The following CCDC85A variants were observed in gnomAD, a reference collection of about 807,000 sequenced individuals.
CCDC85A encodes coiled-coil domain-containing protein 85A.
CCDC85A carries 38 observed loss-of-function variants against 50.2 expected under a neutral mutation model. The observed-to-expected ratio is 0.76, with a 90% CI of 0.58 to 0.99. CCDC85A has a LOEUF of 0.99. CCDC85A is among the 50% of genes least tolerant of loss of function. The probability of loss-of-function intolerance (pLI) is 0.00; values close to 1 mark genes in which losing one functional copy is unlikely to be tolerated. For synonymous variants in CCDC85A, 366 were observed against 301.4 expected (o/e 1.21, Z -2.22); for missense variants, 820 against 742.0 (o/e 1.11, Z -1.22).
intron 3 of CCDC85A, among the ~76,000 whole-genome samples, chr2:56,364,137 C>T (rs538348088): frequency 2.0e-5 from 3 of 152,136 alleles, no homozygotes; most frequent in African/African-American, 7.2e-5. Context: ...TGTTTAACAG[C>T]CTCTTTTTCT....
intron 2 of CCDC85A, among the ~76,000 whole-genome samples, chr2:56,251,317 T>C (rs949127214): frequency 2.0e-5 from 3 of 152,216 alleles, no homozygotes; most frequent in African/African-American, 7.2e-5. Context: ...GTTGAACACA[T>C]GGATGTATTA....
chr2:56,202,409 G>T (rs946773367), intron 2 of CCDC85A, among the ~76,000 whole-genome samples: 14 of 152,138 alleles, frequency 9.2e-5, no homozygotes, highest in Admixed American at 4.6e-4. Context: ...TTACCCCAAG[G>T]CCATATTCCT....
At chr2:56,222,535 T>C (rs1220002398) in intron 2 of CCDC85A, among the ~76,000 whole-genome samples, 1 of 152,124 alleles carries the variant, frequency 6.6e-6, no homozygotes, top group Admixed American at 6.6e-5. Context: ...TATAGAAGAA[T>C]GAATTTCTGG....
intron 2 of CCDC85A, among the ~76,000 whole-genome samples, chr2:56,301,616 G>A (rs1430102048): frequency 6.6e-6 from 1 of 152,184 alleles, no homozygotes; most frequent in Non-Finnish European, 1.5e-5. Context: ...ACTTTACAGA[G>A]AATGCAGAAT....
intron 2 of CCDC85A, among the ~76,000 whole-genome samples, chr2:56,267,811 T>C (rs1448465711): frequency 2.0e-5 from 3 of 152,188 alleles, no homozygotes; most frequent in Non-Finnish European, 4.4e-5. Flanking sequence ...AAAATCTAAC[T>C]ATCAGGATTT....
In CCDC85A at chr2:56,192,211, GC is replaced by G. The variant is rs1461597043; in HGVS notation, c.277-264del. On this transcript the variant is annotated intron_variant, in intron 1 of 5. Transcript: ENST00000407595. This position sits in a 1 kb window ranked among gnomAD's most constrained non-coding sequence, Gnocchi z 4.7. Reference sequence around the variant, plus strand: ...TACTTAAGTTAGTTTAATTTTTATGGCCATACTAATTATTATCCCCTAAATG... The same window carrying G: ...TACTTAAGTTAGTTTAATTTTTATGGCATACTAATTATTATCCCCTAAATG... Among the ~76,000 whole-genome samples the G allele has an allele frequency of 6.6e-6, 1 of 152,116 alleles. No individual in the cohort carries two copies. The highest frequency in any genetic ancestry group is 1.5e-5 in the Non-Finnish European group (1 of 68,030).
At chr2:56,198,176 C>T (rs1676602211) in intron 2 of CCDC85A, among the ~76,000 whole-genome samples, 1 of 152,230 alleles carries the variant, frequency 6.6e-6, no homozygotes, top group Non-Finnish European at 1.5e-5. Context: ...CAGTGTTTCT[C>T]TGAAGCGGGA....
In CCDC85A at chr2:56,313,183, T is replaced by C. The variant is rs569400273; in HGVS notation, c.1241-29696T>C. 3.6e-4 allele frequency among the ~76,000 whole-genome samples: 55 copies of C among 152,292 alleles called. 1 individual carries two copies. Among genetic ancestry groups the C allele is most frequent in the Middle Eastern group, 6.8e-3 (2 of 294 alleles). On this transcript the variant is annotated intron_variant, in intron 2 of 5. Coordinates refer to ENST00000407595, the MANE Select transcript of CCDC85A (RefSeq NM_001080433.2). ...CAATCCAGTTGGCGACTAGTCATGTTCTTTTTTGTTGTAACTCTGTCTTCT... is the reference window on the plus strand; with the variant it reads ...CAATCCAGTTGGCGACTAGTCATGTCCTTTTTTGTTGTAACTCTGTCTTCT...
At chr2:56,275,914 T>C (rs932333452) in intron 2 of CCDC85A, among the ~76,000 whole-genome samples, 1 of 152,192 alleles carries the variant, frequency 6.6e-6, no homozygotes, top group African/African-American at 2.4e-5. Context: ...TTGGTATTTT[T>C]GTAGGTCCCT....
At chr2:56,275,342 C>G (rs1002135196) in intron 2 of CCDC85A, among the ~76,000 whole-genome samples, 1 of 152,246 alleles carries the variant, frequency 6.6e-6, no homozygotes, top group South Asian at 2.1e-4. Context: ...TAGAGTGCCT[C>G]TCTTGGTAAA....
chr2:56,237,659 G>A (rs1479747391), intron 2 of CCDC85A, among the ~76,000 whole-genome samples: 1 of 152,108 alleles, frequency 6.6e-6, no homozygotes, highest in Non-Finnish European at 1.5e-5. Context: ...GCAGTATGCA[G>A]TAGAGCTAGG....
rs187000823 is a variant in CCDC85A at position 56,200,359 on chromosome 2, G to C, written c.1240+6919G>C. On this transcript the variant is annotated intron_variant, in intron 2 of 5. Transcript: ENST00000407595. ...ATATATTTATTTTGAATTTGATTTTGGGACCTATTAAGAATCGTTCCATGT... is the reference window on the plus strand; with the variant it reads ...ATATATTTATTTTGAATTTGATTTTCGGACCTATTAAGAATCGTTCCATGT... Among the ~76,000 whole-genome samples the C allele has an allele frequency of 2.6e-5, 4 of 152,240 alleles. No individual in the cohort carries two copies. The East Asian group carries it at 7.7e-4, about 29-fold the overall frequency.
rs1427754600 is a variant in CCDC85A, at chr2:56,192,398, C to T, written c.277-79C>T. On this transcript the variant is annotated intron_variant, in intron 1 of 5. Transcript: ENST00000407595. The surrounding 1 kb of genome is among the most constrained non-coding windows in gnomAD (Gnocchi z 4.7). ...TCACAGGTAATTCACCAGTTACAGG[C>T]TCTCCCTTTCCAGGAAGTCTGAGCC... 1 of 1,524,932 alleles carries T rather than the reference C, an allele frequency of 6.6e-7. No individual in the cohort carries two copies. Among genetic ancestry groups the T allele is most frequent in the Non-Finnish European group, 8.8e-7 (1 of 1,137,500 alleles). The allele number at this position is 1,524,932 out of a possible 1,614,324, so 94.5% of individuals were successfully genotyped here. A position where few individuals can be genotyped will look rare whatever the true frequency, so the allele number is the denominator to read the frequency against.
chr2:56,187,668 T>C (rs1676110036), intron 1 of CCDC85A, among the ~76,000 whole-genome samples: 1 of 152,204 alleles, frequency 6.6e-6, no homozygotes, highest in South Asian at 2.1e-4. Context: ...TTTCTCAAGG[T>C]CACACAGACA....
rs57367250 is a variant in CCDC85A, at chr2:56,267,450, T to C, written c.1240+74010T>C. 1.6e-3 allele frequency among the ~76,000 whole-genome samples: 242 copies of C among 152,348 alleles called. 1 individual carries two copies. Among genetic ancestry groups the C allele is most frequent in the African/African-American group, 5.6e-3 (231 of 41,586 alleles). On this transcript the variant is annotated intron_variant, in intron 2 of 5. Transcript: ENST00000407595. The stretch of plus-strand genomic sequence containing the variant: ...GCGCACACTTAAATCATTTCAACTA[T>C]GTTTTTATCCATGTTTTTAAAAACT...
intron 2 of CCDC85A, among the ~76,000 whole-genome samples, chr2:56,312,753 C>T (rs535663200): frequency 1.3e-5 from 2 of 152,260 alleles, no homozygotes; most frequent in South Asian, 2.1e-4. Context: ...ACTTTCTGTG[C>T]AGCACTTTCA....
At position 56,270,473 on chromosome 2, in the gene CCDC85A, A is replaced by G. The variant is rs551683295; in HGVS notation, c.1241-72406A>G. On this transcript the variant is annotated intron_variant, in intron 2 of 5. Transcript: ENST00000407595. ...AAATAGTATCTTCACATTTTCATTT[A>G]AACACCCTGGATGAAAAGTAATAGA... is the stretch of plus-strand genomic sequence containing the variant. Among the ~76,000 whole-genome samples, 282 of 152,308 alleles carry G rather than the reference A, an allele frequency of 1.9e-3. 1 individual carries two copies. Among genetic ancestry groups the G allele is most frequent in the Non-Finnish European group, 3.0e-3 (203 of 68,030 alleles).
At chr2:56,275,166 G>C (rs772882372) in intron 2 of CCDC85A, among the ~76,000 whole-genome samples, 1 of 152,114 alleles carries the variant, frequency 6.6e-6, no homozygotes. Context: ...AACCTGCTTT[G>C]AACCCACCAT....
intron 2 of CCDC85A, among the ~76,000 whole-genome samples, chr2:56,284,197 C>A (rs1671326169): frequency 6.6e-6 from 1 of 151,700 alleles, no homozygotes; most frequent in Non-Finnish European, 1.5e-5. Flanking sequence ...TAGTTTATTT[C>A]TATTGTTTTC....
Sources: allele counts gnomAD v4.1 joint callset (sites outside exome capture counted in the v4.1 genomes callset), GRCh38; gene constraint gnomAD v4.1.1; non-coding constraint Gnocchi (gnomAD v3.1); transcripts MANE v1.5; gene names NCBI Gene and HGNC (gene_info 2026-07-23, HGNC 2026-07-21).